DNAH5: variants seen among roughly 807,000 people sequenced by gnomAD.
The protein encoded by DNAH5 is axonemal beta dynein heavy chain 5.
A neutral mutation model predicts 518.2 loss-of-function variants in DNAH5; 372 were observed. The ratio of observed to expected loss-of-function variants is 0.72; its 90% CI spans 0.66 to 0.78. DNAH5 has a LOEUF of 0.78. Among genes scored for constraint, DNAH5 ranks in the 30% least tolerant of loss-of-function variants. The pLI, the probability that DNAH5 is intolerant of heterozygous loss-of-function variation, is 0.00. For synonymous variants in DNAH5, 2,039 were observed against 2,025.9 expected (o/e 1.01, Z -0.17); for missense variants, 5,523 against 5,687.0 (o/e 0.97, Z 0.93).
chr5:13,708,536 C>T (rs1378082540), intron 75 of DNAH5, among the ~76,000 whole-genome samples: 1 of 151,884 alleles, frequency 6.6e-6, no homozygotes, highest in Non-Finnish European at 1.5e-5. Flanking sequence ...CCCGAATTTT[C>T]ATGCCATGTG....
chr5:13,993,850 G>A (rs1389050798), intron 1 of DNAH5, among the ~76,000 whole-genome samples: 1 of 152,206 alleles, frequency 6.6e-6, no homozygotes, highest in Non-Finnish European at 1.5e-5. Context: ...GACTTCAGCA[G>A]ATCCCAGACG....
chr5:13,722,858 G>C (rs1013468471), intron 70 of DNAH5, among the ~76,000 whole-genome samples: 1 of 152,200 alleles, frequency 6.6e-6, no homozygotes, highest in African/African-American at 2.4e-5. Context: ...AGAATACACA[G>C]GATTTCTGCC....
intron 1 of DNAH5, among the ~76,000 whole-genome samples, chr5:13,978,828 T>A (rs567748246): frequency 6.6e-6 from 1 of 152,254 alleles, no homozygotes; most frequent in South Asian, 2.1e-4. Context: ...TCAGAATGTA[T>A]CTCCATCATT....
At chr5:13,891,163 G>T in intron 16 of DNAH5, 42 bp from the exon 17 acceptor site, 1 of 1,609,406 alleles carries the variant, frequency 6.2e-7, no homozygotes, top group Non-Finnish European at 8.5e-7. Flanking sequence ...ATTAGGTAAA[G>T]CATTTTGTTT....
At chr5:13,911,880 A>C (rs1776037147) in intron 11 of DNAH5, among the ~76,000 whole-genome samples, 1 of 152,220 alleles carries the variant, frequency 6.6e-6, no homozygotes, top group Non-Finnish European at 1.5e-5. Context: ...CTTCTCAGAA[A>C]ATAAATAAGG....
At chr5:13,868,070 G>T in intron 24 of DNAH5, 78 bp from the exon 25 acceptor site, 15 of 1,102,556 alleles carry the variant, frequency 1.4e-5, no homozygotes, top group Non-Finnish European at 1.2e-5. Flanking sequence ...TAAATGATAA[G>T]AATGGAAAAT....
intron 2 of DNAH5, 64 bp from the exon 3 acceptor site, chr5:13,928,242 G>T (rs1205051684): frequency 8.0e-7 from 1 of 1,257,844 alleles, no homozygotes. Context: ...AATTAAATCA[G>T]CATTAATAAT....
rs1392768655 is a variant in DNAH5, at chr5:13,769,040, T to C, written c.9817A>G (p.Ile3273Val). ...KDRAQAIVDS[I>V]SKDKAIAEEK... ...TCAGCAATGGCTTTGTCTTTAGAGA[T>C]GCTGTCCACAATGGCCTGGGCCCTG... Residue 3273 changes from isoleucine to valine, a missense_variant, in exon 58 of 79, where the codon ATC becomes GTC. Ile to Val is a conservative substitution (Grantham distance 29). Transcript: ENST00000265104. The C allele has an allele frequency of 6.2e-7, 1 of 1,614,258 alleles. No individual in the cohort carries two copies. The highest frequency in any genetic ancestry group is 2.2e-5 in the East Asian group (1 of 44,894).
At chr5:14,001,908 G>GT (rs996455617) in intron 1 of DNAH5, among the ~76,000 whole-genome samples, 15 of 149,374 alleles carry the variant, frequency 1.0e-4, no homozygotes, top group Admixed American at 4.0e-4. Context: ...GTGTTAATTT[G>GT]TTTTTTTTTT....
chr5:13,762,806 T>TA lies in DNAH5; in HGVS notation c.10196dup (p.Cys3400MetfsTer54), dbSNP rs1751967064. The TA allele has an allele frequency of 1.2e-6, 2 of 1,614,170 alleles. No individual in the cohort carries two copies. The highest frequency in any genetic ancestry group is 1.7e-6 in the Non-Finnish European group (2 of 1,179,974). The stretch of plus-strand genomic sequence containing the variant: ...AACAAAGACCAGCTACATTTCCACA[T>TA]ACGCGTTTAGCAGTTTCGATGTTAT... On this transcript the variant is annotated frameshift_variant, in exon 60 of 79. Coordinates refer to ENST00000265104, the MANE Select transcript of DNAH5 (RefSeq NM_001369.3). LOFTEE classifies it high-confidence loss of function.
intron 52 of DNAH5, among the ~76,000 whole-genome samples, chr5:13,784,694 C>A (rs1323974464): frequency 6.6e-6 from 1 of 152,206 alleles, no homozygotes; most frequent in Non-Finnish European, 1.5e-5. Context: ...GAACCTAAAT[C>A]ATGGAAGACA....
chr5:13,951,190 T>G (rs1330802476), intron 1 of DNAH5, among the ~76,000 whole-genome samples: 3 of 5,666 alleles, frequency 5.3e-4, no homozygotes, highest in East Asian at 7.5e-3. Flanking sequence ...TCTCTTTTGT[T>G]TTTTTTTTGT....
chr5:13,792,235 AC>A lies in DNAH5; in HGVS notation c.8225-19del. 6.2e-7 allele frequency: 1 copy of A among 1,601,218 alleles called. No homozygotes were observed. Among genetic ancestry groups the A allele is most frequent in the Non-Finnish European group, 8.6e-7 (1 of 1,168,376 alleles). On this transcript the variant is annotated intron_variant, in intron 49 of 78. Coordinates refer to ENST00000265104, the MANE Select transcript of DNAH5 (RefSeq NM_001369.3). ...AATCACACCTGAAAAGGGGGAAATT[AC>A]AGCATTTTGATTAGCCATTCAAAGA...
intron 70 of DNAH5, among the ~76,000 whole-genome samples, chr5:13,725,398 T>C (rs895670363): frequency 1.2e-4 from 18 of 152,176 alleles, no homozygotes; most frequent in Non-Finnish European, 1.5e-5. Context: ...AGCAAGTCAC[T>C]GGCTAGGGAC....
chr5:13,732,532 A>G (rs1196470785), intron 68 of DNAH5, among the ~76,000 whole-genome samples: 1 of 151,944 alleles, frequency 6.6e-6, no homozygotes, highest in East Asian at 1.9e-4. Flanking sequence ...ACTCCTGGCT[A>G]ATTTTTTTTG....
chr5:13,714,305 T>A (rs1180786298), intron 75 of DNAH5, 100 bp downstream of exon 75: 6 of 1,290,082 alleles, frequency 4.7e-6, no homozygotes, highest in Non-Finnish European at 6.7e-6. Flanking sequence ...GTTTTTTAAT[T>A]TCAGGAAAAT....
chr5:13,950,535 CA>C (rs1265581370), intron 1 of DNAH5, among the ~76,000 whole-genome samples: 1 of 152,184 alleles, frequency 6.6e-6, no homozygotes, highest in African/African-American at 2.4e-5. Flanking sequence ...CTCAGCCTCC[CA>C]AAGTGCTGGG....
chr5:13,939,285 A>C (rs1410499404), intron 1 of DNAH5, among the ~76,000 whole-genome samples: 1 of 152,208 alleles, frequency 6.6e-6, no homozygotes, highest in Non-Finnish European at 1.5e-5. Context: ...GACCAACGTG[A>C]GTCCACGATT....
chr5:13,944,979 A>G (rs1375772306), upstream of DNAH5, among the ~76,000 whole-genome samples: 6 of 152,108 alleles, frequency 3.9e-5, no homozygotes, highest in East Asian at 1.2e-3. Context: ...CTTTGCAAGC[A>G]CGATGCACTG....
Sources: gnomAD v4.1 joint callset for allele counts (sites outside exome capture counted in the v4.1 genomes callset) on GRCh38, gnomAD v4.1.1 for gene constraint, MANE v1.5 for transcripts, NCBI Gene and HGNC (gene_info 2026-07-23, HGNC 2026-07-21) for gene names.